The following ZNF267 variants were observed in gnomAD, a reference collection of about 807,000 sequenced individuals.
The protein encoded by ZNF267 is zinc finger protein 267.
In ZNF267, 61 loss-of-function variants were observed where a neutral mutation model predicts 71.6. The observed-to-expected ratio is 0.85, with a 90% CI of 0.69 to 1.05. The LOEUF (loss-of-function observed/expected upper bound fraction) is 1.05, where lower values mean the gene tolerates loss of function less well. Ranked by LOEUF, ZNF267 falls within the 50% of genes least tolerant of loss-of-function variation. The pLI, the probability that ZNF267 is intolerant of heterozygous loss-of-function variation, is 0.00. For synonymous variants in ZNF267, 288 were observed against 293.2 expected (o/e 0.98, Z 0.18); for missense variants, 852 against 870.0 (o/e 0.98, Z 0.26).
At chr16:31,884,078 A>G (rs1050155377) in intron 1 of ZNF267, among the ~76,000 whole-genome samples, 1 of 152,178 alleles carries the variant, frequency 6.6e-6, no homozygotes, top group Non-Finnish European at 1.5e-5. Flanking sequence ...CAGAAACTCA[A>G]AATCTAGATC....
At chr16:31,908,655 C>T (rs2084110663) in intron 3 of ZNF267, among the ~76,000 whole-genome samples, 1 of 151,312 alleles carries the variant, frequency 6.6e-6, no homozygotes, top group Admixed American at 6.6e-5. Flanking sequence ...TTTTTTAGCA[C>T]TGGTTATTGA....
intron 1 of ZNF267, among the ~76,000 whole-genome samples, chr16:31,881,736 C>T (rs2083891740): frequency 6.9e-6 from 1 of 144,532 alleles, no homozygotes; most frequent in African/African-American, 2.6e-5. Context: ...AGTGTCATCT[C>T]GGCTCACACA....
Position 31,915,361 on chromosome 16 carries a change from A to T in ZNF267, c.1112A>T (p.Gln371Leu), listed in dbSNP as rs775474442. The T allele has an allele frequency of 3.7e-6, 6 of 1,613,558 alleles. No individual in the cohort carries two copies. Among genetic ancestry groups the T allele is most frequent in the Non-Finnish European group, 5.1e-6 (6 of 1,179,800 alleles). ...LNCSLYLTKQ[Q>L]QIDTGENLYK... ...TGTAGTTTATACCTTACTAAACAGC[A>T]GCAAATTGATACTGGAGAAAACCTT... The change falls in exon 4 of 4, where the codon CAG becomes CTG. Residue 371 changes from glutamine (Q) to leucine (L), a missense_variant. Coordinates refer to ENST00000300870, the MANE Select transcript of ZNF267 (RefSeq NM_003414.6).
chr16:31,894,956 C>A, intron 3 of ZNF267: 2 of 341,676 alleles, frequency 5.9e-6, no homozygotes, highest in South Asian at 6.1e-5. Context: ...AAGAAGACAG[C>A]CTCTTTCTTC....
At chr16:31,884,822 A>G (rs985643946) in intron 2 of ZNF267, among the ~76,000 whole-genome samples, 198 bp downstream of exon 2, 4 of 152,212 alleles carry the variant, frequency 2.6e-5, no homozygotes. Flanking sequence ...GGTGATGTAC[A>G]AGTTTCACTC....
At chr16:31,905,725 G>A (rs2084084062) in intron 3 of ZNF267, among the ~76,000 whole-genome samples, 1 of 152,050 alleles carries the variant, frequency 6.6e-6, no homozygotes, top group Non-Finnish European at 1.5e-5. Flanking sequence ...TTTGCCATGG[G>A]TTCGAACTTC....
Position 31,915,749 on chromosome 16 carries a change from C to G in ZNF267, c.1500C>G (p.Val500=). ...ATAAATGTAAAGAATGTGGCAAAGT[C>G]TTTAGCCGTAGTTCTTGCCTTACTC... ...KPYKCKECGK[V]FSRSSCLTQH... is the part of the protein sequence containing the mutation. Residue 500 remains valine (V), a synonymous_variant, in exon 4 of 4, where the codon GTC becomes GTG. Coordinates refer to ENST00000300870, the MANE Select transcript of ZNF267 (RefSeq NM_003414.6). 6.2e-7 allele frequency: 1 copy of G among 1,613,268 alleles called. No homozygotes were observed.
At chr16:31,911,466 G>GT (rs1328884446) in intron 3 of ZNF267, among the ~76,000 whole-genome samples, 1 of 151,512 alleles carries the variant, frequency 6.6e-6, no homozygotes, top group Non-Finnish European at 1.5e-5. Context: ...TTTATCTGAT[G>GT]TAAGTATAGC....
rs1470822335 is a variant in ZNF267, at chr16:31,916,597, A to G, written c.*116A>G. 9.7e-6 allele frequency: 10 copies of G among 1,034,068 alleles called. No individual in the cohort carries two copies. Among genetic ancestry groups the G allele is most frequent in the Admixed American group, 2.8e-5 (1 of 35,118 alleles). 64.1% of individuals were successfully genotyped at this position (1,034,068 alleles called of 1,614,324 possible). ...TAAGAATGTGGCATAACCTTTAACT[A>G]TTTTCAAGCCTTACACAATAGCAGA... On this transcript the variant is annotated 3_prime_UTR_variant, in exon 4 of 4. Coordinates refer to ENST00000300870, the MANE Select transcript of ZNF267 (RefSeq NM_003414.6).
At chr16:31,905,275 C>G (rs1008893203) in intron 3 of ZNF267, among the ~76,000 whole-genome samples, 5 of 152,084 alleles carry the variant, frequency 3.3e-5, no homozygotes, top group African/African-American at 1.2e-4. Context: ...TGGAGTTGCT[C>G]TTCTTGAGGA....
intron 1 of ZNF267, among the ~76,000 whole-genome samples, chr16:31,874,775 GTCTC>G (rs1448284824): frequency 6.6e-6 from 1 of 152,154 alleles, no homozygotes; most frequent in Admixed American, 6.5e-5. Flanking sequence ...AGCACGCAGA[GTCTC>G]AAGTCCACCA....
intron 1 of ZNF267, among the ~76,000 whole-genome samples, chr16:31,881,149 T>A (rs757530210): frequency 9.2e-5 from 14 of 152,248 alleles, no homozygotes; most frequent in Non-Finnish European, 1.5e-4. Context: ...AAGCCCTACA[T>A]GTTTTGGTTA....
chr16:31,881,495 A>G (rs1456282767), intron 1 of ZNF267, among the ~76,000 whole-genome samples: 16 of 152,174 alleles, frequency 1.1e-4, no homozygotes, highest in Non-Finnish European at 1.5e-5. Context: ...CACAGGACTC[A>G]CTTTTTCAAA....
At chr16:31,903,876 G>T (rs566862598) in intron 3 of ZNF267, among the ~76,000 whole-genome samples, 2 of 152,258 alleles carry the variant, frequency 1.3e-5, no homozygotes, top group Non-Finnish European at 2.9e-5. Context: ...TAATTGTGAT[G>T]TTAGGGTGTC....
At chr16:31,880,525 A>G (rs1216484758) in intron 1 of ZNF267, among the ~76,000 whole-genome samples, 1 of 152,174 alleles carries the variant, frequency 6.6e-6, no homozygotes, top group Non-Finnish European at 1.5e-5. Context: ...TTCTGGTTCC[A>G]CAAGGACAAC....
chr16:31,894,497 CTT>C lies in ZNF267; in HGVS notation c.226+9243_226+9244del, dbSNP rs2083983248. On this transcript the variant is annotated intron_variant, in intron 3 of 3. Transcript: ENST00000300870. ...TTCTGTTGTTTAAGAATCATTAGCT[CTT>C]TGTGTGTGACACCTAATTCTTCTTC... is the stretch of plus-strand genomic sequence containing the variant. 1.2e-4 allele frequency: 57 copies of C among 488,572 alleles called. 1 individual carries two copies. The highest frequency in any genetic ancestry group is 8.5e-4 in the South Asian group (55 of 64,590). 30.3% of individuals were successfully genotyped at this position (488,572 alleles called of 1,614,324 possible).
intron 3 of ZNF267, among the ~76,000 whole-genome samples, chr16:31,886,893 A>G (rs1365135981): frequency 6.6e-6 from 1 of 152,176 alleles, no homozygotes; most frequent in African/African-American, 2.4e-5. Flanking sequence ...AGTAGCATTG[A>G]AGGTTCATAT....
chr16:31,894,562 G>T (rs753150234), intron 3 of ZNF267: 1 of 502,368 alleles, frequency 2.0e-6, no homozygotes. Context: ...TCATAATCGC[G>T]CTCTCACCTT....
Position 31,916,701 on chromosome 16 carries a change from A to G in ZNF267, c.*220A>G. ...AAACTGTGCTCAACCCTTACTCAAG[A>G]TAATCCATACTAGAGAAACACTATA... On this transcript the variant is annotated 3_prime_UTR_variant, in exon 4 of 4. Coordinates refer to ENST00000300870, the MANE Select transcript of ZNF267 (RefSeq NM_003414.6). The G allele has an allele frequency of 1.8e-6, 1 of 551,974 alleles. No individual in the cohort carries two copies. The highest frequency in any genetic ancestry group is 2.5e-5 in the South Asian group (1 of 40,586). 34.2% of individuals were successfully genotyped at this position (551,974 alleles called of 1,614,324 possible). A position where few individuals can be genotyped will look rare whatever the true frequency, so the allele number is the denominator to read the frequency against.
Sources: gnomAD v4.1 joint callset for allele counts (sites outside exome capture counted in the v4.1 genomes callset) on GRCh38, gnomAD v4.1.1 for gene constraint, MANE v1.5 for transcripts, NCBI Gene and HGNC (gene_info 2026-07-23, HGNC 2026-07-21) for gene names.